LMBR1: variants seen among roughly 807,000 people sequenced by gnomAD.
LMBR1 encodes the protein limb development membrane protein 1, also known as limb region 1 protein homolog.
A neutral mutation model predicts 73.9 loss-of-function variants in LMBR1; 52 were observed. That is an observed-to-expected ratio of 0.70 (90% CI 0.56 to 0.89). The LOEUF (loss-of-function observed/expected upper bound fraction) is 0.89. Ranked by LOEUF, LMBR1 falls within the 40% of genes least tolerant of loss-of-function variation. The pLI, the probability that LMBR1 is intolerant of heterozygous loss-of-function variation, is 0.00. For missense variants in LMBR1, 539 were observed against 579.8 expected, an observed-to-expected ratio of 0.93 and a Z score of 0.72; for synonymous variants, 215 against 209.4, an observed-to-expected ratio of 1.03 and a Z score of -0.23.
rs142695932 is a variant in LMBR1 at position 156,761,156 on chromosome 7, C to T, written c.684+978G>A. 5.4e-3 allele frequency among the ~76,000 whole-genome samples: 827 copies of T among 152,244 alleles called. 5 individuals are homozygous for T. The highest frequency in any genetic ancestry group is 9.3e-3 in the Non-Finnish European group (631 of 68,006). On this transcript the variant is annotated intron_variant, in intron 8 of 16. Transcript: ENST00000353442. Reference sequence around the variant, plus strand: ...GCTAGAGTGACAGTAAACACAGGGACAGCTAGAGGAAAACTGAGTGTGGAC... The same window carrying T: ...GCTAGAGTGACAGTAAACACAGGGATAGCTAGAGGAAAACTGAGTGTGGAC...
At chr7:156,842,694 C>G (rs1450714617) in intron 1 of LMBR1, among the ~76,000 whole-genome samples, 6 of 152,006 alleles carry the variant, frequency 3.9e-5, no homozygotes, top group African/African-American at 7.3e-5. Context: ...TATGGGAGAA[C>G]AAATGGAGCA....
At chr7:156,816,183 A>C (rs764037665) in intron 4 of LMBR1, among the ~76,000 whole-genome samples, 19 of 152,096 alleles carry the variant, frequency 1.2e-4, no homozygotes, top group Non-Finnish European at 2.2e-4. Context: ...AATGAAAAAA[A>C]TATTTTTTTT....
At chr7:156,737,920 A>G (rs1471671019) in intron 9 of LMBR1, among the ~76,000 whole-genome samples, 1 of 152,214 alleles carries the variant, frequency 6.6e-6, no homozygotes, top group African/African-American at 2.4e-5. Context: ...AGGGCGGAGC[A>G]AGATGACCAA....
At chr7:156,672,739 G>A (rs1390681229) in intron 4 of LMBR1, among the ~76,000 whole-genome samples, 1 of 152,228 alleles carries the variant, frequency 6.6e-6, no homozygotes, top group Non-Finnish European at 1.5e-5. Context: ...ATATTTATAT[G>A]TGGCCCGCAC....
At chr7:156,839,882 T>C (rs1026702507) in intron 1 of LMBR1, among the ~76,000 whole-genome samples, 9 of 152,164 alleles carry the variant, frequency 5.9e-5, no homozygotes, top group East Asian at 5.8e-4. Context: ...TTATCTGGAG[T>C]GTAGAAGATG....
At chr7:156,856,066 G>A (rs1194932476) in intron 1 of LMBR1, among the ~76,000 whole-genome samples, 2 of 151,860 alleles carry the variant, frequency 1.3e-5, no homozygotes, top group Non-Finnish European at 2.9e-5. Flanking sequence ...GTGGTGGCGG[G>A]TGCCTGTAGT....
intron 4 of LMBR1, among the ~76,000 whole-genome samples, chr7:156,802,246 G>C (rs1831139041): frequency 6.6e-6 from 1 of 152,220 alleles, no homozygotes; most frequent in African/African-American, 2.4e-5. Flanking sequence ...GCCTTCCAAA[G>C]TGCTGGGATT....
intron 11 of LMBR1, 131 bp from the exon 12 acceptor site, chr7:156,728,138 T>G (rs1451040280): frequency 1.6e-6 from 1 of 614,624 alleles, no homozygotes; most frequent in Non-Finnish European, 2.8e-6. Flanking sequence ...TATATAAAAC[T>G]AAAGTAATCA....
intron 1 of LMBR1, among the ~76,000 whole-genome samples, chr7:156,873,114 C>A (rs77044724): frequency 6.6e-6 from 1 of 152,186 alleles, no homozygotes; most frequent in African/African-American, 2.4e-5. Context: ...AATGAAGCCG[C>A]GGACTCTTGC....
chr7:156,714,395 T>C (rs566621221), intron 15 of LMBR1, among the ~76,000 whole-genome samples: 23 of 152,286 alleles, frequency 1.5e-4, no homozygotes, highest in African/African-American at 5.3e-4. Context: ...TGAAGAAAAT[T>C]ACTCGCAGTA....
chr7:156,792,529 C>T (rs1829396162), intron 5 of LMBR1, among the ~76,000 whole-genome samples: 1 of 152,064 alleles, frequency 6.6e-6, no homozygotes, highest in Non-Finnish European at 1.5e-5. Context: ...TCTTACACTT[C>T]AGAATTATAA....
intron 15 of LMBR1, among the ~76,000 whole-genome samples, chr7:156,710,066 G>A (rs912641580): frequency 6.6e-6 from 1 of 151,650 alleles, no homozygotes; most frequent in African/African-American, 2.4e-5. Flanking sequence ...CACCATGCCC[G>A]GCTAATTTTG....
In LMBR1 at chr7:156,833,761, G is replaced by C; in HGVS notation, c.171C>G (p.Asn57Lys). The change falls in exon 3 of 17, where the codon AAC (asparagine) becomes AAG (lysine). Residue 57 changes from asparagine (N) to lysine (K), a missense_variant. Coordinates refer to ENST00000353442, the MANE Select transcript of LMBR1 (RefSeq NM_022458.4). ...DEQEDEDAIV[N>K]RISLFLSTFT... ...AACTTTAAAATACATACGAAATCCT[G>C]TTGACGATGGCATCTTCATCTTCTT... The C allele has an allele frequency of 6.3e-7, 1 of 1,599,818 alleles. No homozygotes were observed. Among genetic ancestry groups the C allele is most frequent in the Non-Finnish European group, 8.5e-7 (1 of 1,172,994 alleles).
At chr7:156,742,931 G>C (rs560613974) in intron 9 of LMBR1, among the ~76,000 whole-genome samples, 15 of 152,004 alleles carry the variant, frequency 9.9e-5, no homozygotes, top group African/African-American at 3.6e-4. Context: ...GAGATGCAAG[G>C]GTGGTTCAAC....
rs568418308 is a variant in LMBR1 at position 156,775,575 on chromosome 7, A to G, written c.424-11780T>C. On this transcript the variant is annotated intron_variant, in intron 5 of 16. Transcript: ENST00000353442. ...CATAATATAACCTCACTGCATAAAC[A>G]GTATGACCTATTTTTAAAAATACAT... 6.9e-4 allele frequency among the ~76,000 whole-genome samples: 105 copies of G among 152,316 alleles called. 2 individuals are homozygous for G. The highest frequency in any genetic ancestry group is 1.6e-4 in the Non-Finnish European group (11 of 68,036).
At chr7:156,707,758 A>T (rs1811262618) in intron 15 of LMBR1, among the ~76,000 whole-genome samples, 2 of 152,148 alleles carry the variant, frequency 1.3e-5, no homozygotes, top group Admixed American at 1.3e-4. Context: ...CACAGCCAAA[A>T]ATCATAAGAA....
intron 1 of LMBR1, among the ~76,000 whole-genome samples, chr7:156,890,801 G>C (rs1802774885): frequency 6.6e-6 from 1 of 152,140 alleles, no homozygotes; most frequent in African/African-American, 2.4e-5. Context: ...ATCTACTAAA[G>C]ATGAACAAAT....
chr7:156,725,737 C>T lies in LMBR1; in HGVS notation c.1067+27G>A, dbSNP rs140655181. On this transcript the variant is annotated intron_variant, in intron 13 of 16. Coordinates refer to ENST00000353442, the MANE Select transcript of LMBR1 (RefSeq NM_022458.4). ...ACTTGGTATAAAATTTGTGGATAGG[C>T]TGAACGTTCAGTTAAAGAAAGGATA... 2.9e-5 allele frequency: 47 copies of T among 1,601,640 alleles called. No homozygotes were observed. In the East Asian group the frequency reaches 1.0e-3, roughly 34 times the overall value.
chr7:156,719,040 A>T (rs933894525), intron 15 of LMBR1, among the ~76,000 whole-genome samples: 5 of 151,922 alleles, frequency 3.3e-5, no homozygotes, highest in African/African-American at 4.8e-5. Flanking sequence ...TGTGCAGGTT[A>T]GTTACATATG....
Sources: gnomAD v4.1 joint callset for allele counts (sites outside exome capture counted in the v4.1 genomes callset) on GRCh38, gnomAD v4.1.1 for gene constraint, MANE v1.5 for transcripts, NCBI Gene and HGNC (gene_info 2026-07-23, HGNC 2026-07-21) for gene names.